OPHN1: variants seen among roughly 807,000 people sequenced by gnomAD.
OPHN1 encodes the protein oligophrenin 1.
In OPHN1, 11 loss-of-function variants were observed where a neutral mutation model predicts 60.7. That is an observed-to-expected ratio of 0.18 (90% CI 0.11 to 0.30). The LOEUF (loss-of-function observed/expected upper bound fraction) is 0.30, where lower values mean the gene tolerates loss of function less well. Among genes scored for constraint, OPHN1 ranks in the 10% least tolerant of loss-of-function variants. The pLI is 1.00. For missense variants in OPHN1, 449 were observed against 611.0 expected, an observed-to-expected ratio of 0.73 and a Z score of 2.80; for synonymous variants, 226 against 222.6, an observed-to-expected ratio of 1.02 and a Z score of -0.14.
rs185026279 is a variant in OPHN1, at chrX:68,321,377, C to T, written c.155-22281G>A. ...ATATCACAAGTCCCTACTCTCTACC[C>T]CTTAGAACCCTGCTGGCCTTACATC... On this transcript the variant is annotated intron_variant, in intron 2 of 24. Coordinates refer to ENST00000355520, the MANE Select transcript of OPHN1 (RefSeq NM_002547.3). Among the ~76,000 whole-genome samples, 614 of 112,058 alleles carry T rather than the reference C, an allele frequency of 5.5e-3. 7 individuals carry two copies. Among genetic ancestry groups the T allele is most frequent in the African/African-American group, 0.019 (584 of 30,869 alleles).
chrX:68,273,894 A>G (rs112738840), intron 5 of OPHN1, among the ~76,000 whole-genome samples: 1 of 112,140 alleles, frequency 8.9e-6, no homozygotes, highest in African/African-American at 3.2e-5. Context: ...CAGGAAGTAC[A>G]GCAGCTTCTC....
intron 2 of OPHN1, among the ~76,000 whole-genome samples, chrX:68,379,717 T>C (rs1205922288): frequency 1.8e-5 from 2 of 110,424 alleles, no homozygotes; most frequent in Admixed American, 1.9e-4. Flanking sequence ...GTTCTGTTTA[T>C]ATGCTGGATT....
At chrX:68,094,676 C>G (rs1214316192) in intron 19 of OPHN1, among the ~76,000 whole-genome samples, 1 of 111,198 alleles carries the variant, frequency 9.0e-6, no homozygotes, top group Non-Finnish European at 1.9e-5. Context: ...CCCCTTCTAT[C>G]TTACCCAGGC....
chrX:68,379,839 T>C (rs1446674126), intron 2 of OPHN1, among the ~76,000 whole-genome samples: 1 of 108,495 alleles, frequency 9.2e-6, no homozygotes, highest in Non-Finnish European at 1.9e-5. Context: ...CAGTATTTTA[T>C]TGAGGATTTT....
At chrX:68,384,289 C>T (rs7357990) in intron 2 of OPHN1, among the ~76,000 whole-genome samples, 34,755 of 110,740 alleles carry the variant, frequency 0.31, 7,933 homozygotes, top group African/African-American at 0.81. Flanking sequence ...GTATTATGCT[C>T]TAGGTAAATT....
At chrX:68,339,492 A>G (rs1474762044) in intron 2 of OPHN1, among the ~76,000 whole-genome samples, 1 of 112,432 alleles carries the variant, frequency 8.9e-6, no homozygotes, top group Non-Finnish European at 1.9e-5. Context: ...TGCAGATGAC[A>G]TGATCTTGTA....
At chrX:68,192,841 T>C in intron 15 of OPHN1, 78 bp downstream of exon 15, 3 of 806,590 alleles carry the variant, frequency 3.7e-6, no homozygotes, top group Non-Finnish European at 5.7e-6. Context: ...TTTAGCAGTG[T>C]CTCCTTTCTC....
intron 2 of OPHN1, among the ~76,000 whole-genome samples, chrX:68,369,465 G>A (rs765198939): frequency 7.2e-5 from 8 of 111,227 alleles, no homozygotes; most frequent in Non-Finnish European, 1.3e-4. Context: ...CAAAGAAACA[G>A]GAAAGTACAG....
chrX:68,217,987 C>T (rs1470091935), intron 6 of OPHN1, among the ~76,000 whole-genome samples: 3 of 98,346 alleles, frequency 3.1e-5, no homozygotes, highest in African/African-American at 6.8e-5. Context: ...CTCTGAGCTA[C>T]AGGAGGACAT....
At chrX:68,153,079 C>T (rs1399626706) in intron 15 of OPHN1, among the ~76,000 whole-genome samples, 6 of 107,835 alleles carry the variant, frequency 5.6e-5, no homozygotes, top group African/African-American at 1.0e-4. Flanking sequence ...GGTGTGGTGG[C>T]GGGTACCTGT....
At chrX:68,162,511 C>T (rs371777508) in intron 15 of OPHN1, among the ~76,000 whole-genome samples, 2 of 110,176 alleles carry the variant, frequency 1.8e-5, no homozygotes, top group East Asian at 2.8e-4. Context: ...GTATAAAAAA[C>T]GTAAGTAACA....
At chrX:68,227,663 A>G (rs1376099738) in intron 6 of OPHN1, among the ~76,000 whole-genome samples, 1 of 111,692 alleles carries the variant, frequency 9.0e-6, no homozygotes, top group Non-Finnish European at 1.9e-5. Flanking sequence ...ACTACTGGGT[A>G]TATAACGAAA....
rs759776500 is a variant in OPHN1 at position 68,359,199 on chromosome X, A to T, written c.155-60103T>A. 2.3e-4 allele frequency among the ~76,000 whole-genome samples: 26 copies of T among 111,822 alleles called. No individual in the cohort carries two copies. The East Asian group carries it at 6.4e-3, about 28-fold the overall frequency. The stretch of plus-strand genomic sequence containing the variant: ...ACCTCTCAATATTTTTTACCCTCTC[A>T]TATGATTATAGCTGTAATTTTTAAT... On this transcript the variant is annotated intron_variant, in intron 2 of 24. Transcript: ENST00000355520.
chrX:68,348,806 TA>T (rs2078391517), intron 2 of OPHN1, among the ~76,000 whole-genome samples: 1 of 111,116 alleles, frequency 9.0e-6, no homozygotes, highest in Non-Finnish European at 1.9e-5. Flanking sequence ...ACTTCAAGGA[TA>T]AGGAGATGTT....
At chrX:68,416,061 TATATATAGAGAGAGAG>T (rs1459697376) in intron 2 of OPHN1, among the ~76,000 whole-genome samples, 256 of 6,107 alleles carry the variant, frequency 0.042, no homozygotes, top group Middle Eastern at 0.14. Flanking sequence ...TATATATATA[TATATATAGAGAGAGAG>T]AGAGAGAGAG....
intron 6 of OPHN1, among the ~76,000 whole-genome samples, chrX:68,229,299 G>A (rs1469528544): frequency 2.7e-5 from 3 of 111,931 alleles, no homozygotes; most frequent in African/African-American, 6.5e-5. Flanking sequence ...CATGCACATG[G>A]ATAGGAAGAA....
At chrX:68,254,715 AT>A (rs1329386168) in intron 5 of OPHN1, among the ~76,000 whole-genome samples, 1 of 111,058 alleles carries the variant, frequency 9.0e-6, no homozygotes, top group African/African-American at 3.3e-5. Context: ...AAACTATGCC[AT>A]GTGAAAAGAG....
chrX:68,209,398 T>C (rs2077574144), intron 9 of OPHN1, among the ~76,000 whole-genome samples: 1 of 111,606 alleles, frequency 9.0e-6, no homozygotes, highest in Non-Finnish European at 1.9e-5. Context: ...AGACCTTGTC[T>C]CTACAAAAAA....
rs374294474 is a variant in OPHN1 at position 68,086,769 on chromosome X, T to C, written c.1686+10101A>G. 5.4e-5 allele frequency among the ~76,000 whole-genome samples: 6 copies of C among 111,769 alleles called. No homozygotes were observed. In the South Asian group the frequency reaches 1.1e-3, roughly 21 times the overall value. ...TTCCCTCCTCTGGACACTGTAGTGG[T>C]TCTTCTGTAGCTGAAAAATTAAGTA... On this transcript the variant is annotated intron_variant, in intron 19 of 24. Transcript: ENST00000355520.
Sources: allele counts gnomAD v4.1 joint callset (sites outside exome capture counted in the v4.1 genomes callset), GRCh38; gene constraint gnomAD v4.1.1; transcripts MANE v1.5; gene names NCBI Gene and HGNC (gene_info 2026-07-23, HGNC 2026-07-21).